The following RALGAPA2 variants were observed in gnomAD, a reference collection of about 807,000 sequenced individuals.
RALGAPA2 encodes Ral GTPase activating protein catalytic subunit alpha 2, also known as ral GTPase-activating protein subunit alpha-2.
RALGAPA2 carries 139 observed loss-of-function variants against 230.4 expected under a neutral mutation model. The observed-to-expected ratio is 0.60, with a 90% CI of 0.53 to 0.69. The LOEUF is 0.69. Ranked by LOEUF, RALGAPA2 falls within the 30% of genes least tolerant of loss-of-function variation. The pLI is 0.00. For missense variants in RALGAPA2, 2,163 were observed against 2,276.0 expected, an observed-to-expected ratio of 0.95 and a Z score of 1.01; for synonymous variants, 847 against 837.8, an observed-to-expected ratio of 1.01 and a Z score of -0.19.
intron 37 of RALGAPA2, among the ~76,000 whole-genome samples, chr20:20,419,787 C>A (rs1424712694): frequency 1.3e-5 from 2 of 152,190 alleles, no homozygotes; most frequent in Non-Finnish European, 2.9e-5. Flanking sequence ...AACTGGATCT[C>A]AAGTGGCTGT....
intron 39 of RALGAPA2, among the ~76,000 whole-genome samples, chr20:20,395,310 G>A (rs780629602): frequency 9.2e-5 from 14 of 152,350 alleles, no homozygotes; most frequent in Non-Finnish European, 1.0e-4. Flanking sequence ...CCCGTGGTGG[G>A]GAGGTGGCAG....
Position 20,565,026 on chromosome 20 carries a change from C to T in RALGAPA2, c.3156+6432G>A, listed in dbSNP as rs754641012. Among the ~76,000 whole-genome samples the T allele has an allele frequency of 5.3e-5, 8 of 152,168 alleles. No individual in the cohort carries two copies. In the South Asian group the frequency reaches 8.3e-4, roughly 16 times the overall value. On this transcript the variant is annotated intron_variant, in intron 23 of 39. Coordinates refer to ENST00000202677, the MANE Select transcript of RALGAPA2 (RefSeq NM_020343.4). ...CACATCAAAGTTATTATTTCATCCT[C>T]GGAACATCAGTTAGATCTTTAAATT...
intron 38 of RALGAPA2, among the ~76,000 whole-genome samples, chr20:20,411,039 C>T (rs1053110150): frequency 3.9e-5 from 6 of 152,196 alleles, no homozygotes; most frequent in African/African-American, 1.4e-4. Context: ...ATTTATTTCA[C>T]TGGATTTAAT....
At chr20:20,488,197 C>A (rs1226472357) in intron 36 of RALGAPA2, among the ~76,000 whole-genome samples, 1 of 152,114 alleles carries the variant, frequency 6.6e-6, no homozygotes, top group Non-Finnish European at 1.5e-5. Flanking sequence ...CAGTTCAAAC[C>A]CATGTTGCTG....
intron 37 of RALGAPA2, among the ~76,000 whole-genome samples, chr20:20,413,415 T>C (rs1376514452): frequency 1.3e-5 from 2 of 152,212 alleles, no homozygotes; most frequent in Non-Finnish European, 2.9e-5. Context: ...CCTTCAGTTA[T>C]ATTCAGAGGA....
At position 20,495,135 on chromosome 20, in the gene RALGAPA2, C is replaced by T. The variant is rs755766427; in HGVS notation, c.5349G>A (p.Ala1783=). 66 of 1,605,044 alleles carry T rather than the reference C, an allele frequency of 4.1e-5. No individual in the cohort carries two copies. The East Asian group carries it at 8.7e-4, about 21-fold the overall frequency. The change falls in exon 36 of 40, where the codon GCG becomes GCA. Residue 1783 remains alanine, a synonymous_variant. Coordinates refer to ENST00000202677, the MANE Select transcript of RALGAPA2 (RefSeq NM_020343.4). ...YPMKNHMFFI[A]ITKKPEVPFF... is the part of the protein sequence containing the mutation. The stretch of plus-strand genomic sequence containing the variant: ...AACGTACCTCAGGTTTCTTCGTTAT[C>T]GCGATGAAGAACATGTGATTCTTCA...
At chr20:20,560,540 G>A (rs893163457) in intron 23 of RALGAPA2, among the ~76,000 whole-genome samples, 1 of 152,138 alleles carries the variant, frequency 6.6e-6, no homozygotes, top group Admixed American at 6.5e-5. Flanking sequence ...TCCCCACAAG[G>A]AGAGCACTTT....
At chr20:20,636,315 G>A (rs1202676932) in intron 8 of RALGAPA2, among the ~76,000 whole-genome samples, 1 of 151,936 alleles carries the variant, frequency 6.6e-6, no homozygotes, top group African/African-American at 2.4e-5. Flanking sequence ...TTGTATATCT[G>A]GAATACCTGT....
chr20:20,608,669 C>T (rs1027706779), intron 14 of RALGAPA2, among the ~76,000 whole-genome samples: 4 of 152,164 alleles, frequency 2.6e-5, no homozygotes, highest in East Asian at 1.9e-4. Flanking sequence ...CATGTTTTAA[C>T]GGCAGCGTGG....
rs927547342 is a variant in RALGAPA2 at position 20,572,030 on chromosome 20, G to T, written c.2902-84C>A. 3.4e-5 allele frequency: 30 copies of T among 871,800 alleles called. No homozygotes were observed. In the Admixed American group the frequency reaches 6.4e-4, roughly 19 times the overall value. 54.0% of individuals were successfully genotyped at this position (871,800 alleles called of 1,614,324 possible). A position where few individuals can be genotyped will look rare whatever the true frequency, so the allele number is the denominator to read the frequency against. On this transcript the variant is annotated intron_variant, in intron 21 of 39. Transcript: ENST00000202677. ...TTCAACAGTCTTCTGTGACCATATA[G>T]CTGCTTTCAGTTAATTTCTATAAGT...
intron 37 of RALGAPA2, among the ~76,000 whole-genome samples, chr20:20,468,188 T>G (rs1353272859): frequency 6.6e-6 from 1 of 152,236 alleles, no homozygotes. Flanking sequence ...GAGATGAGAT[T>G]GTCTGCCAGC....
intron 37 of RALGAPA2, among the ~76,000 whole-genome samples, chr20:20,470,489 T>C (rs2061514421): frequency 6.6e-6 from 1 of 152,172 alleles, no homozygotes; most frequent in Non-Finnish European, 1.5e-5. Flanking sequence ...AGCTGCCTGA[T>C]GTCAGGTGCA....
intron 31 of RALGAPA2, among the ~76,000 whole-genome samples, chr20:20,513,507 T>A (rs2062778499): frequency 6.6e-6 from 1 of 152,188 alleles, no homozygotes; most frequent in African/African-American, 2.4e-5. Flanking sequence ...GTGAAGGATG[T>A]TCCAGATCTC....
At chr20:20,534,169 G>A (rs904163197) in intron 26 of RALGAPA2, among the ~76,000 whole-genome samples, 2 of 152,188 alleles carry the variant, frequency 1.3e-5, no homozygotes, top group Non-Finnish European at 2.9e-5. Flanking sequence ...AGATGGCTGG[G>A]CGCAGTAGCT....
intron 3 of RALGAPA2, among the ~76,000 whole-genome samples, chr20:20,674,059 C>T (rs1198879184): frequency 1.3e-5 from 2 of 151,718 alleles, no homozygotes; most frequent in African/African-American, 2.4e-5. Flanking sequence ...AGCTGGGCAT[C>T]GTGATGCACA....
chr20:20,614,995 G>C, intron 13 of RALGAPA2, among the ~76,000 whole-genome samples: 1 of 152,120 alleles, frequency 6.6e-6, no homozygotes, highest in Non-Finnish European at 1.5e-5. Flanking sequence ...GGTGGCAGTG[G>C]AATGAGAGGG....
chr20:20,628,750 C>T (rs1461355324), intron 10 of RALGAPA2, among the ~76,000 whole-genome samples: 2 of 152,212 alleles, frequency 1.3e-5, no homozygotes, highest in African/African-American at 4.8e-5. Flanking sequence ...CAGTTGCAAA[C>T]CTCTGATGTC....
chr20:20,399,306 T>C (rs1386346487), intron 38 of RALGAPA2, among the ~76,000 whole-genome samples: 2 of 140,848 alleles, frequency 1.4e-5, no homozygotes, highest in Non-Finnish European at 3.0e-5. Flanking sequence ...ATCATGCCAT[T>C]GCACTACATC....
At chr20:20,412,264 G>T (rs1298948294) in intron 37 of RALGAPA2, 116 bp from the exon 38 acceptor site, 9 of 1,354,820 alleles carry the variant, frequency 6.6e-6, no homozygotes, top group Admixed American at 4.0e-5. Context: ...TATCCTGCAG[G>T]TTCTTTACCA....
Sources: allele counts gnomAD v4.1 joint callset (sites outside exome capture counted in the v4.1 genomes callset), GRCh38; gene constraint gnomAD v4.1.1; transcripts MANE v1.5; gene names NCBI Gene and HGNC (gene_info 2026-07-23, HGNC 2026-07-21).